Variants in CCND3 observed in about 807,000 individuals in gnomAD.
CCND3 encodes G1/S-specific cyclin-D3.
Under a neutral mutation model 28.7 loss-of-function variants are expected in CCND3, and 9 were observed. That is an observed-to-expected ratio of 0.31 (90% CI 0.19 to 0.55). The LOEUF (loss-of-function observed/expected upper bound fraction) is 0.55, where lower values mean the gene tolerates loss of function less well. Ranked by LOEUF, CCND3 falls within the 20% of genes least tolerant of loss-of-function variation. CCND3 has a pLI of 0.93. For missense variants in CCND3, 315 were observed against 385.8 expected (o/e 0.82, Z 1.54); for synonymous variants, 164 against 163.9 (o/e 1.00, Z 0.00).
chr6:41,961,940 C>A (rs1169347475), intron 1 of CCND3, among the ~76,000 whole-genome samples: 1 of 152,178 alleles, frequency 6.6e-6, no homozygotes, highest in African/African-American at 2.4e-5. Context: ...CCACATCAAC[C>A]TGTAAGCAGG....
intron 1 of CCND3, among the ~76,000 whole-genome samples, chr6:41,946,856 G>A (rs1322422654): frequency 6.6e-6 from 1 of 151,874 alleles, no homozygotes; most frequent in Admixed American, 6.6e-5. Flanking sequence ...AGGCCGAGGT[G>A]GGCGGATCAC....
intron 1 of CCND3, among the ~76,000 whole-genome samples, chr6:42,039,731 C>A (rs969555097): frequency 6.6e-6 from 1 of 152,222 alleles, no homozygotes; most frequent in African/African-American, 2.4e-5. Context: ...GGGCCCAGCC[C>A]CACCTAGCAG....
At chr6:42,049,493 GC>G (rs1300512856), upstream of CCND3, among the ~76,000 whole-genome samples, 2 of 152,212 alleles carry the variant, frequency 1.3e-5, no homozygotes, top group Non-Finnish European at 1.5e-5. Flanking sequence ...TAGGATCCAA[GC>G]CCAGAATCTG....
intron 1 of CCND3, among the ~76,000 whole-genome samples, chr6:41,971,737 G>A (rs1360168540): frequency 6.6e-6 from 1 of 150,402 alleles, no homozygotes; most frequent in Non-Finnish European, 1.5e-5. Context: ...ACGGGGTTTC[G>A]CCGTGTTGGC....
chr6:42,000,114 A>G (rs1762945527), intron 1 of CCND3, among the ~76,000 whole-genome samples: 1 of 151,928 alleles, frequency 6.6e-6, no homozygotes. Context: ...ACTACATACT[A>G]GGTCATAAAG....
At chr6:41,947,220 C>CA (rs777778608) in intron 1 of CCND3, among the ~76,000 whole-genome samples, 196 of 122,434 alleles carry the variant, frequency 1.6e-3, no homozygotes, top group African/African-American at 2.0e-3. Flanking sequence ...GACTCCGTCT[C>CA]AAAAAAAAAA....
chr6:42,049,645 A>G (rs1207440058), upstream of CCND3: 2 of 152,272 alleles, frequency 1.3e-5, no homozygotes, highest in African/African-American at 4.8e-5. Flanking sequence ...CGCCCCCTAG[A>G]CTTGCCTCGC....
At chr6:42,028,971 G>GTTTTTTTT (rs796486498) in intron 1 of CCND3, among the ~76,000 whole-genome samples, 1 of 137,798 alleles carries the variant, frequency 7.3e-6, no homozygotes, top group Non-Finnish European at 1.6e-5. Flanking sequence ...CCTTGAAACG[G>GTTTTTTTT]TTTTTTTTTT....
At chr6:42,007,576 G>T (rs1259967947) in intron 1 of CCND3, among the ~76,000 whole-genome samples, 6 of 152,148 alleles carry the variant, frequency 3.9e-5, no homozygotes, top group African/African-American at 1.4e-4. Flanking sequence ...TAACAATCAG[G>T]GCCTGGCTAA....
chr6:42,015,795 T>C (rs142853713), intron 1 of CCND3, among the ~76,000 whole-genome samples: 1 of 152,100 alleles, frequency 6.6e-6, no homozygotes, highest in East Asian at 1.9e-4. Context: ...TATTTTGAAA[T>C]ATATATATAT....
intron 1 of CCND3, among the ~76,000 whole-genome samples, chr6:42,014,365 CAAACAAAACAAAACA>C (rs66873567): frequency 1.3e-4 from 20 of 148,714 alleles, no homozygotes; most frequent in Admixed American, 3.4e-4. Flanking sequence ...GACTCTGTCT[CAAACAAAACAAAACA>C]AAACAAAACA....
chr6:41,986,827 C>T (rs531887187), intron 1 of CCND3, among the ~76,000 whole-genome samples: 1 of 152,110 alleles, frequency 6.6e-6, no homozygotes, highest in African/African-American at 2.4e-5. Flanking sequence ...AATGGGCATC[C>T]TTGTCTTGTT....
intron 1 of CCND3, among the ~76,000 whole-genome samples, chr6:42,001,068 T>C (rs1762995971): frequency 1.3e-5 from 2 of 151,068 alleles, no homozygotes; most frequent in Admixed American, 1.3e-4. Context: ...AAACCCCATC[T>C]CTACTAAAAA....
Position 41,959,474 on chromosome 6 carries a change from G to A in CCND3, c.-45-18889C>T, listed in dbSNP as rs572454080. On this transcript the variant is annotated intron_variant, in intron 1 of 4. Coordinates refer to the CCND3 transcript ENST00000372988. The stretch of plus-strand genomic sequence containing the variant: ...CCAAGGTGGGCAGATCACAAGGTCA[G>A]GAGATTGAGACCATCCTGGCCAACA... Among the ~76,000 whole-genome samples, 4 of 152,170 alleles carry A rather than the reference G, an allele frequency of 2.6e-5. 1 individual carries two copies. The South Asian group carries it at 8.3e-4, about 32-fold the overall frequency.
chr6:42,049,434 A>G (rs1764661890), upstream of CCND3, among the ~76,000 whole-genome samples: 1 of 152,232 alleles, frequency 6.6e-6, no homozygotes, highest in South Asian at 2.1e-4. Flanking sequence ...AAACTGAGAC[A>G]CACTGAGGAT....
intron 1 of CCND3, among the ~76,000 whole-genome samples, chr6:41,966,753 G>A (rs1272933961): frequency 1.3e-5 from 2 of 152,166 alleles, no homozygotes; most frequent in Non-Finnish European, 2.9e-5. Flanking sequence ...ACTGAGTCAT[G>A]CCTCTTCATC....
In CCND3 at chr6:41,935,910, T is replaced by C; in HGVS notation, c.*30A>G. 1.3e-6 allele frequency: 2 copies of C among 1,587,280 alleles called. No homozygotes were observed. The highest frequency in any genetic ancestry group is 4.5e-5 in the East Asian group (2 of 44,112). ...GGGTGGCAGCGGCCCCTCCTCTGCTTAGTGGCCACTCCAGAGGGCCTCTCC... is the reference window on the plus strand; with the variant it reads ...GGGTGGCAGCGGCCCCTCCTCTGCTCAGTGGCCACTCCAGAGGGCCTCTCC... On this transcript the variant is annotated 3_prime_UTR_variant, in exon 5 of 5. Transcript: ENST00000372991.
intron 1 of CCND3, among the ~76,000 whole-genome samples, chr6:41,964,424 GTGTT>G (rs1453867248): frequency 1.3e-5 from 2 of 151,470 alleles, no homozygotes; most frequent in African/African-American, 4.9e-5. Flanking sequence ...GTGTGTGAAT[GTGTT>G]TGTGTGTATG....
intron 1 of CCND3, among the ~76,000 whole-genome samples, chr6:41,958,920 C>T (rs1761617213): frequency 6.6e-6 from 1 of 152,200 alleles, no homozygotes; most frequent in African/African-American, 2.4e-5. Flanking sequence ...TGCAGTTCCT[C>T]AAAATGTTCA....
Sources: gnomAD v4.1 joint callset for allele counts (sites outside exome capture counted in the v4.1 genomes callset) on GRCh38, gnomAD v4.1.1 for gene constraint, MANE v1.5 for transcripts, NCBI Gene and HGNC (gene_info 2026-07-23, HGNC 2026-07-21) for gene names.